Variants in SGCD observed in about 807,000 individuals in gnomAD.
SGCD encodes sarcoglycan delta.
Under a neutral mutation model 36.6 loss-of-function variants are expected in SGCD, and 18 were observed. The observed-to-expected ratio is 0.49, with a 90% CI of 0.34 to 0.73. The LOEUF is 0.73. Among genes scored for constraint, SGCD ranks in the 30% least tolerant of loss-of-function variants. SGCD has a pLI of 0.01. For missense variants in SGCD, 387 were observed against 346.7 expected, an observed-to-expected ratio of 1.12 and a Z score of -0.92; for synonymous variants, 133 against 130.6, an observed-to-expected ratio of 1.02 and a Z score of -0.12.
chr5:156,036,802 G>T (rs1415403597), intron 1 of SGCD, among the ~76,000 whole-genome samples: 1 of 152,114 alleles, frequency 6.6e-6, no homozygotes, highest in Non-Finnish European at 1.5e-5. Context: ...TCTGTGTTAA[G>T]ATTTGGAACC....
At chr5:155,956,136 C>T (rs1464774604) in intron 1 of SGCD, among the ~76,000 whole-genome samples, 1 of 150,558 alleles carries the variant, frequency 6.6e-6, no homozygotes, top group Admixed American at 6.6e-5. Flanking sequence ...CCCACCTCTC[C>T]CACCTGTCAC....
At chr5:156,052,297 G>T (rs544176229) in intron 1 of SGCD, among the ~76,000 whole-genome samples, 1 of 146,182 alleles carries the variant, frequency 6.8e-6, no homozygotes, top group African/African-American at 2.5e-5. Flanking sequence ...TGAAGAGTTT[G>T]GTGTGTTCAA....
chr5:155,999,962 A>C (rs1758630869), intron 1 of SGCD, among the ~76,000 whole-genome samples: 1 of 152,234 alleles, frequency 6.6e-6, no homozygotes, highest in Non-Finnish European at 1.5e-5. Flanking sequence ...AGCAACTGTT[A>C]GAGTAGGTTC....
At chr5:156,757,829 T>G in intron 8 of SGCD, 125 bp downstream of exon 8, 1 of 1,359,496 alleles carries the variant, frequency 7.4e-7, no homozygotes, top group Non-Finnish European at 9.5e-7. Context: ...GCAGGTTTTA[T>G]TTCTGAAACA....
intron 1 of SGCD, among the ~76,000 whole-genome samples, chr5:155,983,553 G>A (rs1246952078): frequency 6.6e-6 from 1 of 152,118 alleles, no homozygotes; most frequent in Admixed American, 6.5e-5. Flanking sequence ...GCCTGCCTTG[G>A]CCTCTCAAAG....
In SGCD at chr5:156,164,383, C is replaced by CT. The variant is rs909780005; in HGVS notation, c.-44+40372dup. On this transcript the variant is annotated intron_variant, in intron 3 of 9. Transcript: ENST00000517913. ...TTTTTAATCCACAGAATGTGAATGC[C>CT]TTTTTTTTCCCCTTTCTTTTCTCTC... Among the ~76,000 whole-genome samples, 25 of 151,922 alleles carry CT rather than the reference C, an allele frequency of 1.6e-4. 1 individual carries two copies. The highest frequency in any genetic ancestry group is 5.8e-4 in the African/African-American group (24 of 41,348).
In SGCD at chr5:156,766,676, T is replaced by C. The variant is rs991579129; in HGVS notation, c.*7286T>C. 1 of 151,016 alleles carries C rather than the reference T, an allele frequency of 6.6e-6. No homozygotes were observed. Among genetic ancestry groups the C allele is most frequent in the Non-Finnish European group, 1.5e-5 (1 of 67,890 alleles). 9.4% of individuals were successfully genotyped at this position (151,016 alleles called of 1,614,324 possible). A position where few individuals can be genotyped will look rare whatever the true frequency, so the allele number is the denominator to read the frequency against. On this transcript the variant is annotated 3_prime_UTR_variant, in exon 9 of 9. Coordinates refer to ENST00000337851, the MANE Select transcript of SGCD (RefSeq NM_000337.6). ...TTACAGCTTGGTTTCTTTGGAATGCTTTCATCTTCTAAGCAAAGGGATCAG... is the reference window on the plus strand; with the variant it reads ...TTACAGCTTGGTTTCTTTGGAATGCCTTCATCTTCTAAGCAAAGGGATCAG...
intron 1 of SGCD, among the ~76,000 whole-genome samples, chr5:155,944,416 G>A (rs1017988620): frequency 1.3e-5 from 2 of 152,078 alleles, no homozygotes; most frequent in African/African-American, 2.4e-5. Flanking sequence ...GTATACACAC[G>A]TGTTTTTTTC....
intron 7 of SGCD, among the ~76,000 whole-genome samples, chr5:156,671,028 G>T (rs1385548849): frequency 6.6e-6 from 1 of 151,492 alleles, no homozygotes; most frequent in East Asian, 1.9e-4. Context: ...TGTAATTCCT[G>T]CTGTCATATT....
At chr5:155,983,327 T>G (rs1758266273) in intron 1 of SGCD, among the ~76,000 whole-genome samples, 1 of 152,206 alleles carries the variant, frequency 6.6e-6, no homozygotes, top group Non-Finnish European at 1.5e-5. Context: ...ACACCAGAGC[T>G]CTCACTCTAT....
intron 3 of SGCD, among the ~76,000 whole-genome samples, chr5:156,500,577 G>A (rs1006724049): frequency 9.2e-5 from 14 of 152,076 alleles, no homozygotes; most frequent in Admixed American, 2.6e-4. Context: ...CAAGAAAATC[G>A]CACTTTTTTT....
At chr5:156,605,266 C>G (rs933271620) in intron 6 of SGCD, among the ~76,000 whole-genome samples, 6 of 151,924 alleles carry the variant, frequency 3.9e-5, no homozygotes, top group Non-Finnish European at 5.9e-5. Context: ...TGTTCTCATT[C>G]TTCAATTCCC....
chr5:156,099,027 C>G (rs1761451586), intron 1 of SGCD, among the ~76,000 whole-genome samples: 1 of 152,202 alleles, frequency 6.6e-6, no homozygotes, highest in South Asian at 2.1e-4. Context: ...ATGTGACCAC[C>G]TGGGCTGCCT....
At chr5:156,109,386 A>T (rs1561724707) in intron 1 of SGCD, among the ~76,000 whole-genome samples, 1 of 151,990 alleles carries the variant, frequency 6.6e-6, no homozygotes, top group Non-Finnish European at 1.5e-5. Context: ...GGGTAAGTGG[A>T]GTGGGATGGG....
At chr5:156,546,375 T>C (rs1173199721) in intron 4 of SGCD, among the ~76,000 whole-genome samples, 1 of 152,238 alleles carries the variant, frequency 6.6e-6, no homozygotes, top group Non-Finnish European at 1.5e-5. Context: ...AAATTTGCCT[T>C]CTTAGTGTGA....
chr5:156,499,517 G>T (rs1455026517), intron 3 of SGCD, among the ~76,000 whole-genome samples: 1 of 152,150 alleles, frequency 6.6e-6, no homozygotes, highest in Non-Finnish European at 1.5e-5. Context: ...TGAAAGATAT[G>T]ATATGAAAAA....
chr5:156,331,442 A>G (rs955693136), intron 2 of SGCD, among the ~76,000 whole-genome samples: 59 of 152,304 alleles, frequency 3.9e-4, no homozygotes, highest in African/African-American at 1.3e-3. Flanking sequence ...GGTTGTATTA[A>G]TGGAGCTCAG....
intron 2 of SGCD, among the ~76,000 whole-genome samples, chr5:156,118,268 T>C (rs32380): frequency 0.3 from 45,424 of 151,946 alleles, 7,415 homozygotes; most frequent in Non-Finnish European, 0.36. Flanking sequence ...TGGAAGCTTA[T>C]GGGGTGTGGT....
At chr5:155,915,225 C>T (rs1039715979) in intron 1 of SGCD, among the ~76,000 whole-genome samples, 10 of 152,148 alleles carry the variant, frequency 6.6e-5, no homozygotes, top group Admixed American at 5.2e-4. Flanking sequence ...CAGCCCCAAC[C>T]TCAGGAAATT....
Sources: gnomAD v4.1 joint callset for allele counts (sites outside exome capture counted in the v4.1 genomes callset) on GRCh38, gnomAD v4.1.1 for gene constraint, MANE v1.5 for transcripts, NCBI Gene and HGNC (gene_info 2026-07-23, HGNC 2026-07-21) for gene names.